RIMS2: variants seen among roughly 807,000 people sequenced by gnomAD.
RIMS2 encodes the protein regulating synaptic membrane exocytosis protein 2.
In RIMS2, 59 loss-of-function variants were observed where a neutral mutation model predicts 174.4. The observed-to-expected ratio is 0.34, with a 90% CI of 0.27 to 0.42. The LOEUF (loss-of-function observed/expected upper bound fraction) is 0.42, where lower values mean the gene tolerates loss of function less well. RIMS2 is among the 10% of genes least tolerant of loss of function. The probability of loss-of-function intolerance (pLI) is 1.00; values close to 1 mark genes in which losing one functional copy is unlikely to be tolerated. For synonymous variants in RIMS2, 606 were observed against 572.5 expected, an observed-to-expected ratio of 1.06 and a Z score of -0.84; for missense variants, 1,620 against 1,666.3, an observed-to-expected ratio of 0.97 and a Z score of 0.48.
At chr8:103,875,986 C>T (rs1317240605) in intron 3 of RIMS2, among the ~76,000 whole-genome samples, 2 of 151,798 alleles carry the variant, frequency 1.3e-5, no homozygotes, top group Non-Finnish European at 2.9e-5. Context: ...TGTTTGACTT[C>T]CTTGTACAAT....
At chr8:103,839,572 T>C (rs552196616) in intron 3 of RIMS2, among the ~76,000 whole-genome samples, 1 of 152,358 alleles carries the variant, frequency 6.6e-6, no homozygotes, top group South Asian at 2.1e-4. Flanking sequence ...CTCTCCAAGC[T>C]TGCTTGATCA....
intron 19 of RIMS2, among the ~76,000 whole-genome samples, chr8:104,137,877 G>A: frequency 6.6e-6 from 1 of 151,942 alleles, no homozygotes; most frequent in East Asian, 1.9e-4. Context: ...ACTAGATATT[G>A]TTCATTCTAT....
At chr8:104,124,436 T>C (rs981153178) in intron 19 of RIMS2, among the ~76,000 whole-genome samples, 1 of 152,134 alleles carries the variant, frequency 6.6e-6, no homozygotes, top group African/African-American at 2.4e-5. Context: ...TCATTTTGCC[T>C]CTTCTCACTC....
intron 21 of RIMS2, 78 bp downstream of exon 27, chr8:104,248,891 T>TTCTTTCTCTCTCTCTCTCTCTC (rs2099348729): frequency 2.0e-6 from 1 of 504,824 alleles, no homozygotes; most frequent in South Asian, 2.4e-5. Flanking sequence ...TCATAGAATC[T>TTCTTTCTCTCTCTCTCTCTCTC]TCTCTCTCTC....
chr8:103,820,033 T>C (rs900982779), intron 3 of RIMS2, among the ~76,000 whole-genome samples: 3 of 152,124 alleles, frequency 2.0e-5, no homozygotes, highest in Non-Finnish European at 4.4e-5. Flanking sequence ...CTGTAAAACA[T>C]GTGGAAGATG....
chr8:104,134,706 T>G (rs1026174719), intron 19 of RIMS2, among the ~76,000 whole-genome samples: 1 of 152,226 alleles, frequency 6.6e-6, no homozygotes, highest in Non-Finnish European at 1.5e-5. Flanking sequence ...ATGTGGATGG[T>G]CTACCACTGG....
At chr8:103,806,042 A>G (rs1450916903) in intron 3 of RIMS2, among the ~76,000 whole-genome samples, 1 of 152,124 alleles carries the variant, frequency 6.6e-6, no homozygotes, top group South Asian at 2.1e-4. Flanking sequence ...AAAATTTAAC[A>G]TAAAGTTTTG....
chr8:103,643,624 CT>C (rs1003580904), intron 1 of RIMS2, among the ~76,000 whole-genome samples: 4 of 151,974 alleles, frequency 2.6e-5, no homozygotes, highest in African/African-American at 9.7e-5. Flanking sequence ...TTGTGTTTAT[CT>C]TTTTTTATTT....
chr8:103,801,456 C>T (rs2098607455), intron 3 of RIMS2, among the ~76,000 whole-genome samples: 1 of 152,132 alleles, frequency 6.6e-6, no homozygotes, highest in South Asian at 2.1e-4. Context: ...AGTATTCTTT[C>T]TTTTCCTTTT....
At chr8:104,077,958 C>G (rs2097331144) in intron 19 of RIMS2, among the ~76,000 whole-genome samples, 1 of 151,746 alleles carries the variant, frequency 6.6e-6, no homozygotes, top group Non-Finnish European at 1.5e-5. Context: ...GCCTGGCCAA[C>G]ATGGTGAAAC....
At chr8:103,537,793 C>T (rs775649488) in intron 1 of RIMS2, among the ~76,000 whole-genome samples, 10 of 151,848 alleles carry the variant, frequency 6.6e-5, no homozygotes, top group African/African-American at 1.5e-4. Flanking sequence ...TGGTCTTTTG[C>T]TTTAATCTTT....
intron 3 of RIMS2, among the ~76,000 whole-genome samples, chr8:103,824,876 A>G (rs1185492441): frequency 6.6e-6 from 1 of 152,234 alleles, no homozygotes; most frequent in Admixed American, 6.5e-5. Context: ...CGTAGAGTTA[A>G]TGGAAAATGA....
At chr8:103,763,324 T>A (rs1034100484) in intron 2 of RIMS2, among the ~76,000 whole-genome samples, 4 of 151,982 alleles carry the variant, frequency 2.6e-5, no homozygotes, top group Admixed American at 2.6e-4. Flanking sequence ...TACTCCCAGC[T>A]ACTTGAGGGA....
intron 19 of RIMS2, among the ~76,000 whole-genome samples, chr8:104,190,625 G>C (rs977775187): frequency 2.0e-5 from 3 of 152,022 alleles, no homozygotes; most frequent in African/African-American, 7.2e-5. Context: ...CTCAAGTTTA[G>C]TACTGAAAAG....
At chr8:104,236,095 C>G (rs1027286181) in intron 19 of RIMS2, among the ~76,000 whole-genome samples, 3 of 149,552 alleles carry the variant, frequency 2.0e-5, no homozygotes, top group Non-Finnish European at 4.4e-5. Flanking sequence ...TCTCTCTATT[C>G]CCTGTATTTC....
chr8:103,968,500 A>G (rs1323792986), intron 15 of RIMS2, among the ~76,000 whole-genome samples: 2 of 148,358 alleles, frequency 1.3e-5, no homozygotes, highest in Non-Finnish European at 1.5e-5. Context: ...TATCAGTTAT[A>G]CTTCTTTTTC....
intron 1 of RIMS2, among the ~76,000 whole-genome samples, chr8:103,560,005 G>A (rs1004172509): frequency 1.3e-5 from 2 of 152,224 alleles, no homozygotes; most frequent in Non-Finnish European, 1.5e-5. Flanking sequence ...CATGTAGTAA[G>A]TATGCTTTAC....
intron 19 of RIMS2, among the ~76,000 whole-genome samples, chr8:104,174,960 A>T (rs1250537227): frequency 6.6e-6 from 1 of 152,190 alleles, no homozygotes; most frequent in Non-Finnish European, 1.5e-5. Context: ...AGTACTCTCT[A>T]CAAGTATTTG....
At chr8:103,609,816 CT>C (rs995141951) in intron 1 of RIMS2, among the ~76,000 whole-genome samples, 1 of 152,102 alleles carries the variant, frequency 6.6e-6, no homozygotes, top group Non-Finnish European at 1.5e-5. Flanking sequence ...TATTTCTGCT[CT>C]TTTTTGCTTC....
Sources: allele counts gnomAD v4.1 joint callset (sites outside exome capture counted in the v4.1 genomes callset), GRCh38; gene constraint gnomAD v4.1.1; transcripts MANE v1.5; gene names NCBI Gene and HGNC (gene_info 2026-07-23, HGNC 2026-07-21).